Variants in LTBP1 observed in about 807,000 individuals in gnomAD.
LTBP1 encodes the protein latent-transforming growth factor beta-binding protein 1.
LTBP1 carries 129 observed loss-of-function variants against 207.6 expected under a neutral mutation model. The observed-to-expected ratio is 0.62, with a 90% CI of 0.54 to 0.72. The LOEUF is 0.72. Ranked by LOEUF, LTBP1 falls within the 30% of genes least tolerant of loss-of-function variation. The probability of loss-of-function intolerance (pLI) is 0.00; values close to 1 mark genes in which losing one functional copy is unlikely to be tolerated. For missense variants in LTBP1, 2,281 were observed against 2,217.2 expected (o/e 1.03, Z -0.58); for synonymous variants, 963 against 833.7 (o/e 1.16, Z -2.67).
At chr2:33,034,206 G>A (rs546008577) in intron 3 of LTBP1, among the ~76,000 whole-genome samples, 19 of 148,064 alleles carry the variant, frequency 1.3e-4, no homozygotes, top group Admixed American at 8.9e-4. Context: ...AGAAAGAGAC[G>A]AGACTTGAAG....
intron 3 of LTBP1, among the ~76,000 whole-genome samples, chr2:33,087,346 G>T (rs1326220748): frequency 1.3e-5 from 2 of 152,070 alleles, no homozygotes; most frequent in African/African-American, 4.8e-5. Context: ...GGGATTACAG[G>T]CATGAGTCAC....
intron 7 of LTBP1, among the ~76,000 whole-genome samples, chr2:33,210,919 C>G (rs1430515740): frequency 6.6e-6 from 1 of 152,190 alleles, no homozygotes; most frequent in African/African-American, 2.4e-5. Context: ...AATCAGACTT[C>G]TGTTTTATTT....
intron 7 of LTBP1, among the ~76,000 whole-genome samples, chr2:33,209,826 G>T (rs901545022): frequency 2.6e-5 from 4 of 152,132 alleles, no homozygotes; most frequent in Admixed American, 6.5e-5. Flanking sequence ...GCCCAGTGGG[G>T]CTTGGCCATA....
chr2:32,955,499 A>C, intron 2 of LTBP1, among the ~76,000 whole-genome samples: 1 of 151,406 alleles, frequency 6.6e-6, no homozygotes. Context: ...TTAATTACAA[A>C]ATTTTTAAAG....
chr2:33,275,007 G>T lies in LTBP1; in HGVS notation c.2786G>T (p.Gly929Val). 1 of 1,614,102 alleles carries T rather than the reference G, an allele frequency of 6.2e-7. No homozygotes were observed. The highest frequency in any genetic ancestry group is 1.1e-5 in the South Asian group (1 of 91,082). The change falls in exon 17 of 34, where the codon GGC becomes GTC. Residue 929 changes from glycine to valine, a missense_variant. This residue lies in a region of LTBP1 where 1,671 missense variants were observed against 1,634.8 expected (regional missense o/e 1.02). Coordinates refer to ENST00000404816, the MANE Select transcript of LTBP1 (RefSeq NM_206943.4). ...CTQVQHLCSQ[G>V]RCENTEGSFL... ...CAGGTCCAACACCTCTGCTCCCAGG[G>T]CCGCTGTGAAAACACCGAGGGAAGT...
At chr2:33,019,233 A>C (rs1290350812) in intron 2 of LTBP1, among the ~76,000 whole-genome samples, 2 of 152,048 alleles carry the variant, frequency 1.3e-5, no homozygotes, top group Non-Finnish European at 2.9e-5. Flanking sequence ...CAGCATAGTA[A>C]ATGTATTTGA....
At chr2:33,172,594 G>A (rs887688167) in intron 5 of LTBP1, among the ~76,000 whole-genome samples, 9 of 152,128 alleles carry the variant, frequency 5.9e-5, no homozygotes, top group South Asian at 2.1e-4. Flanking sequence ...AGACAGATCA[G>A]CGAGACAGAA....
intron 3 of LTBP1, among the ~76,000 whole-genome samples, chr2:33,056,947 G>C (rs2077031495): frequency 1.3e-5 from 2 of 152,178 alleles, no homozygotes; most frequent in Admixed American, 6.5e-5. Flanking sequence ...AGAGCCGATT[G>C]GTCCGTTTTG....
At chr2:33,056,006 A>G (rs1157855523) in intron 3 of LTBP1, among the ~76,000 whole-genome samples, 2 of 152,164 alleles carry the variant, frequency 1.3e-5, no homozygotes, top group African/African-American at 2.4e-5. Flanking sequence ...TAAGCTTTGC[A>G]TAGTTGTGTA....
chr2:33,139,052 G>A (rs2082413682), intron 5 of LTBP1, among the ~76,000 whole-genome samples: 2 of 151,168 alleles, frequency 1.3e-5, no homozygotes, highest in Non-Finnish European at 2.9e-5. Context: ...TAGAGACGGG[G>A]TTTCACCGTG....
chr2:33,321,954 A>C lies in LTBP1; in HGVS notation c.3730+6685A>C, dbSNP rs532941726. On this transcript the variant is annotated intron_variant, in intron 24 of 33. Transcript: ENST00000404816. Reference sequence around the variant, plus strand: ...CTTCCTGTGAATGTACTTCTGCAGAAGTGAGTGAAAATGAATGTTTAAATC... The same window carrying C: ...CTTCCTGTGAATGTACTTCTGCAGACGTGAGTGAAAATGAATGTTTAAATC... Among the ~76,000 whole-genome samples the C allele has an allele frequency of 2.0e-5, 3 of 152,334 alleles. No homozygotes were observed. The East Asian group carries it at 5.8e-4, about 29-fold the overall frequency.
intron 31 of LTBP1, among the ~76,000 whole-genome samples, chr2:33,375,248 C>T (rs1308354683): frequency 2.0e-5 from 3 of 152,130 alleles, no homozygotes; most frequent in South Asian, 2.1e-4. Flanking sequence ...TAGCGAAAGG[C>T]GTTAGCAATT....
At chr2:33,290,102 C>T (rs563739750) in intron 19 of LTBP1, among the ~76,000 whole-genome samples, 2 of 152,290 alleles carry the variant, frequency 1.3e-5, no homozygotes, top group East Asian at 1.9e-4. Context: ...GAAGCAAGTG[C>T]ATGCAAAGAG....
chr2:33,142,726 G>A (rs916892289), intron 5 of LTBP1, among the ~76,000 whole-genome samples: 1 of 151,886 alleles, frequency 6.6e-6, no homozygotes, highest in Admixed American at 6.5e-5. Context: ...TTAACTAAAA[G>A]AGGGGTCCGT....
At chr2:33,318,183 G>T (rs183688976) in intron 24 of LTBP1, among the ~76,000 whole-genome samples, 1 of 152,234 alleles carries the variant, frequency 6.6e-6, no homozygotes, top group East Asian at 1.9e-4. Flanking sequence ...CTAGCCCTAA[G>T]CATTTTGGGT....
intron 12 of LTBP1, among the ~76,000 whole-genome samples, chr2:33,259,021 C>T (rs1270892660): frequency 6.6e-6 from 1 of 152,176 alleles, no homozygotes; most frequent in Non-Finnish European, 1.5e-5. Context: ...CTAATTGGCT[C>T]TTCCTGGCTT....
intron 9 of LTBP1, among the ~76,000 whole-genome samples, chr2:33,235,251 A>C (rs2091986118): frequency 6.6e-6 from 1 of 152,242 alleles, no homozygotes; most frequent in Non-Finnish European, 1.5e-5. Flanking sequence ...GGATACGAAC[A>C]GACACTTCTC....
At chr2:33,152,808 A>C (rs1393888514) in intron 5 of LTBP1, among the ~76,000 whole-genome samples, 1 of 152,210 alleles carries the variant, frequency 6.6e-6, no homozygotes, top group Non-Finnish European at 1.5e-5. Flanking sequence ...TGATTTTTCA[A>C]GAAAAACCTG....
chr2:33,383,007 T>A (rs2095233593), intron 31 of LTBP1, among the ~76,000 whole-genome samples: 1 of 152,228 alleles, frequency 6.6e-6, no homozygotes, highest in Non-Finnish European at 1.5e-5. Flanking sequence ...TGGAATGTTC[T>A]GTAAATGGCC....
Sources: gnomAD v4.1 joint callset for allele counts (sites outside exome capture counted in the v4.1 genomes callset) on GRCh38, gnomAD v4.1.1 for gene constraint, gnomAD v4.1.1 regional missense constraint, MANE v1.5 for transcripts, NCBI Gene and HGNC (gene_info 2026-07-23, HGNC 2026-07-21) for gene names.